The following TAF8 variants were observed in gnomAD, a reference collection of about 807,000 sequenced individuals.
TAF8 encodes TATA-box binding protein associated factor 8.
Under a neutral mutation model 36.5 loss-of-function variants are expected in TAF8, and 47 were observed. The observed-to-expected ratio is 1.29, with a 90% CI of 1.02 to 1.64. The LOEUF (loss-of-function observed/expected upper bound fraction) is 1.64. Ranked by LOEUF, TAF8 falls within the 40% of genes most tolerant of loss-of-function variation. TAF8 has a pLI of 0.00. For synonymous variants in TAF8, 175 were observed against 159.5 expected (o/e 1.10, Z -0.73); for missense variants, 420 against 407.6 (o/e 1.03, Z -0.26).
chr6:42,052,424 C>CA (rs777749664), intron 2 of TAF8, among the ~76,000 whole-genome samples: 7 of 150,720 alleles, frequency 4.6e-5, no homozygotes, highest in Non-Finnish European at 1.0e-4. Context: ...CAGGTTCAAG[C>CA]AATTCTCCTG....
chr6:42,060,674 C>T (rs1004337734), intron 5 of TAF8, among the ~76,000 whole-genome samples: 1 of 152,088 alleles, frequency 6.6e-6, no homozygotes, highest in African/African-American at 2.4e-5. Flanking sequence ...GATTCCCCAA[C>T]GGGCTTTAAT....
chr6:42,056,681 C>T (rs1295675580), intron 4 of TAF8, among the ~76,000 whole-genome samples: 1 of 152,198 alleles, frequency 6.6e-6, no homozygotes, highest in Non-Finnish European at 1.5e-5. Context: ...CGGCTGACTA[C>T]TGCAACCTCT....
At chr6:42,084,113 GGAGCTT>G (rs1765991409), downstream of TAF8, among the ~76,000 whole-genome samples, 1 of 150,520 alleles carries the variant, frequency 6.6e-6, no homozygotes, top group Admixed American at 6.6e-5. Context: ...CCCGGGAGGC[GGAGCTT>G]GCACTGAGCC....
Position 42,078,599 on chromosome 6 carries a change from G to A in TAF8, c.*1054G>A, listed in dbSNP as rs1765831017. 10 of 985,364 alleles carry A rather than the reference G, an allele frequency of 1.0e-5. No homozygotes were observed. Among genetic ancestry groups the A allele is most frequent in the Non-Finnish European group, 1.2e-5 (10 of 829,964 alleles). The allele number at this position is 985,364 out of a possible 1,614,324, so 61.0% of individuals were successfully genotyped here. On this transcript the variant is annotated 3_prime_UTR_variant, in exon 9 of 9. Transcript: ENST00000372977. The stretch of plus-strand genomic sequence containing the variant: ...CAGATGCATCACTGTGAAGAAGAAC[G>A]ACATGTCGGGGCTGCACCTGTCCTC...
rs1765446096 is a variant in TAF8, at chr6:42,068,520, A to C, written c.693A>C (p.Glu231Asp). 6.2e-7 allele frequency: 1 copy of C among 1,613,978 alleles called. No homozygotes were observed. The highest frequency in any genetic ancestry group is 1.1e-5 in the South Asian group (1 of 91,078). ...IPYLTALLPSELEMQQMEETD... is the reference protein window; with the variant it reads ...IPYLTALLPSDLEMQQMEETD... ...ACCTGACAGCTCTTCTTCCGTCTGAACTGGAGATGCAACAAATGGAAGAGA... is the reference window on the plus strand; with the variant it reads ...ACCTGACAGCTCTTCTTCCGTCTGACCTGGAGATGCAACAAATGGAAGAGA... Residue 231 changes from glutamate (E) to aspartate (D), a missense_variant, in exon 7 of 9, where the codon GAA becomes GAC. Transcript: ENST00000372977.
rs778404633 is a variant in TAF8, at chr6:42,050,616, G to A, written c.45+30G>A. On this transcript the variant is annotated intron_variant, in intron 1 of 8. Transcript: ENST00000372977. ...GGGCAGGAAGCGCGGGCTCGGAGCCGAGAGAGTTTGGGTATCCTGCAACTT... is the reference window on the plus strand; with the variant it reads ...GGGCAGGAAGCGCGGGCTCGGAGCCAAGAGAGTTTGGGTATCCTGCAACTT... 88 of 1,537,266 alleles carry A rather than the reference G, an allele frequency of 5.7e-5. No individual in the cohort carries two copies. In the African/African-American group the frequency reaches 1.1e-3, roughly 19 times the overall value.
intron 7 of TAF8, among the ~76,000 whole-genome samples, chr6:42,069,625 T>G (rs1472596926): frequency 6.6e-6 from 1 of 152,016 alleles, no homozygotes; most frequent in Non-Finnish European, 1.5e-5. Flanking sequence ...TAAACATAGA[T>G]GTGTTAAGTT....
intron 7 of TAF8, 85 bp from the exon 8 acceptor site, chr6:42,077,015 G>A: frequency 1.4e-6 from 2 of 1,463,992 alleles, no homozygotes; most frequent in Non-Finnish European, 1.8e-6. Context: ...CTCAATTAGA[G>A]GATGCTAATG....
chr6:42,079,676 G>A lies in TAF8; in HGVS notation c.*2131G>A, dbSNP rs1241769645. The A allele has an allele frequency of 3.3e-5, 24 of 727,514 alleles. No homozygotes were observed. Among genetic ancestry groups the A allele is most frequent in the Non-Finnish European group, 4.0e-5 (24 of 595,642 alleles). 45.1% of individuals were successfully genotyped at this position (727,514 alleles called of 1,614,324 possible). On this transcript the variant is annotated 3_prime_UTR_variant, in exon 9 of 9. Coordinates refer to ENST00000372977, the MANE Select transcript of TAF8 (RefSeq NM_138572.3). The stretch of plus-strand genomic sequence containing the variant: ...TCCCCGGGTTCAAGCAATTCTCAGA[G>A]TAGCTGGGATTACAGATGCCCGCCA...
At chr6:42,069,789 G>A (rs1262829106) in intron 7 of TAF8, among the ~76,000 whole-genome samples, 1 of 152,158 alleles carries the variant, frequency 6.6e-6, no homozygotes, top group East Asian at 1.9e-4. Context: ...GCTCTTCCAG[G>A]GATGAGTGAG....
rs866853325 is a variant in TAF8, at chr6:42,055,876, G to T, written c.302-76G>T. On this transcript the variant is annotated intron_variant, in intron 3 of 8. Coordinates refer to ENST00000372977, the MANE Select transcript of TAF8 (RefSeq NM_138572.3). ...ATTGAGTTGAGAGTTTAAGCCATTT[G>T]TCCATACTACTACTATTCTTTCTGT... The T allele has an allele frequency of 1.9e-5, 19 of 1,014,188 alleles. No homozygotes were observed. In the Middle Eastern group the frequency reaches 3.4e-3, roughly 183 times the overall value. The allele number at this position is 1,014,188 out of a possible 1,614,324, so 62.8% of individuals were successfully genotyped here.
intron 7 of TAF8, among the ~76,000 whole-genome samples, chr6:42,069,506 G>A (rs1162054725): frequency 6.6e-6 from 1 of 152,158 alleles, no homozygotes; most frequent in Admixed American, 6.5e-5. Context: ...AAAACGGTAA[G>A]GTTTTTTGCC....
chr6:42,078,742 T>C lies in TAF8; in HGVS notation c.*1197T>C, dbSNP rs1765835948. Reference sequence around the variant, plus strand: ...GGGAACTGCCAAGTCTTACCCCTTCTGGAAGAAGAGGTTTTCTCTGACAAG... The same window carrying C: ...GGGAACTGCCAAGTCTTACCCCTTCCGGAAGAAGAGGTTTTCTCTGACAAG... On this transcript the variant is annotated 3_prime_UTR_variant, in exon 9 of 9. Transcript: ENST00000372977. 3.0e-6 allele frequency: 3 copies of C among 985,370 alleles called. No homozygotes were observed. The highest frequency in any genetic ancestry group is 3.5e-5 in the African/African-American group (2 of 57,256). The allele number at this position is 985,370 out of a possible 1,614,324, so 61.0% of individuals were successfully genotyped here.
intron 5 of TAF8, among the ~76,000 whole-genome samples, chr6:42,065,841 A>G (rs963793294): frequency 1.1e-4 from 17 of 152,134 alleles, no homozygotes; most frequent in African/African-American, 4.1e-4. Context: ...CCACCTTTCT[A>G]CTGTGCTTTG....
intron 2 of TAF8, among the ~76,000 whole-genome samples, chr6:42,055,022 C>G (rs925871552): frequency 2.0e-5 from 3 of 151,850 alleles, no homozygotes; most frequent in Non-Finnish European, 4.4e-5. Flanking sequence ...CTCCTCCTTC[C>G]AGGTTCAAGC....
chr6:42,062,030 A>C (rs944151222), intron 5 of TAF8, among the ~76,000 whole-genome samples: 1 of 152,162 alleles, frequency 6.6e-6, no homozygotes, highest in Non-Finnish European at 1.5e-5. Context: ...GGCCAACTGA[A>C]TCTGTCTCTT....
At chr6:42,070,362 G>A (rs1170958066) in intron 7 of TAF8, among the ~76,000 whole-genome samples, 1 of 152,100 alleles carries the variant, frequency 6.6e-6, no homozygotes, top group Non-Finnish European at 1.5e-5. Context: ...CGTGGTGGCA[G>A]GCGCCTGTAG....
chr6:42,077,163 A>G lies in TAF8; in HGVS notation c.844A>G (p.Ser282Gly), dbSNP rs767307596. The change falls in exon 8 of 9, where the codon AGC becomes GGC. Residue 282 changes from serine to glycine, a missense_variant. Coordinates refer to ENST00000372977, the MANE Select transcript of TAF8 (RefSeq NM_138572.3). ...GCAGCAGAACCCCTCCTTGTCGGGTAGCCGGAATGGGGAGGAGAACATCAT... is the reference window on the plus strand; with the variant it reads ...GCAGCAGAACCCCTCCTTGTCGGGTGGCCGGAATGGGGAGGAGAACATCAT... ...VLQQNPSLSG[S>G]RNGEENIIDN... 1.9e-6 allele frequency: 3 copies of G among 1,614,150 alleles called. No individual in the cohort carries two copies. Among genetic ancestry groups the G allele is most frequent in the South Asian group, 2.2e-5 (2 of 91,076 alleles).
At chr6:42,059,767 G>A (rs1217935284) in intron 5 of TAF8, among the ~76,000 whole-genome samples, 3 of 152,324 alleles carry the variant, frequency 2.0e-5, no homozygotes, top group South Asian at 2.1e-4. Context: ...GGACAGCTTG[G>A]AGGTTAGAAG....
Sources: gnomAD v4.1 joint callset for allele counts (sites outside exome capture counted in the v4.1 genomes callset) on GRCh38, gnomAD v4.1.1 for gene constraint, MANE v1.5 for transcripts, NCBI Gene and HGNC (gene_info 2026-07-23, HGNC 2026-07-21) for gene names.